Variants in TMEM132D observed in about 807,000 individuals in gnomAD.
The protein encoded by TMEM132D is mature OL transmembrane protein.
In TMEM132D, 21 loss-of-function variants were observed where a neutral mutation model predicts 62.3. That is an observed-to-expected ratio of 0.34 (90% confidence interval 0.24 to 0.49). TMEM132D has a LOEUF of 0.49. Among genes scored for constraint, TMEM132D ranks in the 20% least tolerant of loss-of-function variants. The pLI, the probability that TMEM132D is intolerant of heterozygous loss-of-function variation, is 0.99. For synonymous variants in TMEM132D, 621 were observed against 575.6 expected (o/e 1.08, Z -1.13); for missense variants, 1,346 against 1,402.8 (o/e 0.96, Z 0.65).
intron 5 of TMEM132D, among the ~76,000 whole-genome samples, chr12:129,195,901 C>A (rs999707579): frequency 6.6e-6 from 1 of 152,076 alleles, no homozygotes; most frequent in Non-Finnish European, 1.5e-5. Context: ...CCAAGATGGG[C>A]GGGTCACTTG....
chr12:129,801,308 G>A (rs985782000), intron 1 of TMEM132D, among the ~76,000 whole-genome samples: 9 of 151,372 alleles, frequency 5.9e-5, no homozygotes, highest in African/African-American at 1.9e-4. Flanking sequence ...CAGCTTTGAA[G>A]AGAGCAGTGG....
chr12:129,252,510 C>T (rs540446714), intron 4 of TMEM132D, among the ~76,000 whole-genome samples: 2 of 152,278 alleles, frequency 1.3e-5, no homozygotes, highest in South Asian at 4.1e-4. Context: ...AAAGATTCTA[C>T]ATTCTGGCAA....
intron 3 of TMEM132D, among the ~76,000 whole-genome samples, chr12:129,340,208 A>C (rs1392782002): frequency 6.6e-6 from 1 of 152,062 alleles, no homozygotes; most frequent in Non-Finnish European, 1.5e-5. Context: ...TTTTCTTTAG[A>C]TCCCTTTCCC....
At chr12:129,887,573 T>C (rs1446790468) in intron 1 of TMEM132D, among the ~76,000 whole-genome samples, 1 of 152,164 alleles carries the variant, frequency 6.6e-6, no homozygotes, top group Non-Finnish European at 1.5e-5. Flanking sequence ...CCCTTTTGAT[T>C]CACGTGGCAC....
At chr12:129,645,942 C>T (rs977267409) in intron 2 of TMEM132D, among the ~76,000 whole-genome samples, 21 of 152,292 alleles carry the variant, frequency 1.4e-4, no homozygotes, top group African/African-American at 4.6e-4. Flanking sequence ...GAACTCCCCT[C>T]CCTCCCCCAG....
At chr12:129,505,634 C>T (rs1338451631) in intron 3 of TMEM132D, among the ~76,000 whole-genome samples, 1 of 152,100 alleles carries the variant, frequency 6.6e-6, no homozygotes, top group Non-Finnish European at 1.5e-5. Context: ...AAGTCCCCCA[C>T]TATTATTGTG....
chr12:129,580,346 G>C (rs898219722), intron 2 of TMEM132D, among the ~76,000 whole-genome samples: 1 of 152,200 alleles, frequency 6.6e-6, no homozygotes, highest in Admixed American at 6.5e-5. Flanking sequence ...GCCTGCATTC[G>C]AGTTGAAATC....
chr12:129,611,320 A>C (rs1434651795), intron 2 of TMEM132D, among the ~76,000 whole-genome samples: 2 of 152,176 alleles, frequency 1.3e-5, no homozygotes, highest in African/African-American at 4.8e-5. Context: ...ATGGTAATTA[A>C]CACTAGCTAC....
chr12:129,540,693 G>A (rs544818233), intron 2 of TMEM132D, among the ~76,000 whole-genome samples: 21 of 152,192 alleles, frequency 1.4e-4, no homozygotes, highest in Non-Finnish European at 2.6e-4. Flanking sequence ...CACTATGCTG[G>A]CCAGGCTGGT....
chr12:129,172,671 C>A (rs576831692), intron 5 of TMEM132D, among the ~76,000 whole-genome samples: 1 of 152,142 alleles, frequency 6.6e-6, no homozygotes, highest in African/African-American at 2.4e-5. Context: ...CTCTGCCTCC[C>A]GGGTTCAAGT....
rs148646917 is a variant in TMEM132D at position 129,796,555 on chromosome 12, AAG to A, written c.80-95859_80-95858del. 3.1e-4 allele frequency among the ~76,000 whole-genome samples: 47 copies of A among 152,324 alleles called. No individual in the cohort carries two copies. The East Asian group carries it at 8.5e-3, about 28-fold the overall frequency. Reference sequence around the variant, plus strand: ...TGGAATACTAGGCAGCCACAAAAAAAAGAAAGAGTTCATGTCCTTTGCAGGGA... The same window carrying A: ...TGGAATACTAGGCAGCCACAAAAAAAAAAGAGTTCATGTCCTTTGCAGGGA... On this transcript the variant is annotated intron_variant, in intron 1 of 8. Coordinates refer to ENST00000422113, the MANE Select transcript of TMEM132D (RefSeq NM_133448.3).
intron 5 of TMEM132D, among the ~76,000 whole-genome samples, chr12:129,116,244 G>A (rs1018998768): frequency 6.6e-6 from 1 of 152,178 alleles, no homozygotes; most frequent in Non-Finnish European, 1.5e-5. Flanking sequence ...GAGGGAACAT[G>A]GTGAGACCTT....
At chr12:129,741,075 T>C (rs1165386944) in intron 1 of TMEM132D, among the ~76,000 whole-genome samples, 2 of 152,244 alleles carry the variant, frequency 1.3e-5, no homozygotes. Flanking sequence ...TACATTGACT[T>C]TGATGTCAAG....
chr12:129,840,086 A>T (rs1873139578), intron 1 of TMEM132D: 1 of 152,244 alleles, frequency 6.6e-6, no homozygotes, highest in Non-Finnish European at 1.5e-5. Context: ...TACATTAAAA[A>T]ATATGACCTC....
At chr12:129,383,201 T>C (rs1871003766) in intron 3 of TMEM132D, among the ~76,000 whole-genome samples, 1 of 152,184 alleles carries the variant, frequency 6.6e-6, no homozygotes, top group Admixed American at 6.5e-5. Context: ...ACATGCAACC[T>C]ACGTTCCAAA....
rs116890756 is a variant in TMEM132D at position 129,677,284 on chromosome 12, G to A, written c.968+22526C>T. Among the ~76,000 whole-genome samples, 6 of 152,220 alleles carry A rather than the reference G, an allele frequency of 3.9e-5. No individual in the cohort carries two copies. In the East Asian group the frequency reaches 5.8e-4, roughly 15 times the overall value. On this transcript the variant is annotated intron_variant, in intron 2 of 8. Transcript: ENST00000422113. ...TCACGAGATCTGATGGTTTTAAAAC[G>A]AGGAGTTTCCCTCCACAAGCTCTCT...
chr12:129,316,203 T>C (rs1487726586), intron 4 of TMEM132D, among the ~76,000 whole-genome samples: 1 of 152,132 alleles, frequency 6.6e-6, no homozygotes, highest in Non-Finnish European at 1.5e-5. Flanking sequence ...TTTGGTTTGT[T>C]CTTGTTTCTC....
At position 129,677,737 on chromosome 12, in the gene TMEM132D, C is replaced by T. The variant is rs1431502336; in HGVS notation, c.968+22073G>A. 2.0e-5 allele frequency among the ~76,000 whole-genome samples: 3 copies of T among 152,184 alleles called. 1 individual carries two copies. The highest frequency in any genetic ancestry group is 4.2e-4 in the South Asian group (2 of 4,816). ...TAGCACCCAGGTGAGAACTAGAACA[C>T]GTTTAGTATTCTGATGTCCCTGCGT... On this transcript the variant is annotated intron_variant, in intron 2 of 8. Transcript: ENST00000422113.
At chr12:129,270,895 G>A (rs1430553418) in intron 4 of TMEM132D, among the ~76,000 whole-genome samples, 1 of 152,164 alleles carries the variant, frequency 6.6e-6, no homozygotes, top group Non-Finnish European at 1.5e-5. Flanking sequence ...AACTTGTATT[G>A]TTAAAAAATG....
Sources: gnomAD v4.1 joint callset for allele counts (sites outside exome capture counted in the v4.1 genomes callset) on GRCh38, gnomAD v4.1.1 for gene constraint, MANE v1.5 for transcripts, NCBI Gene and HGNC (gene_info 2026-07-23, HGNC 2026-07-21) for gene names.